PSMC1: variants seen among roughly 807,000 people sequenced by gnomAD.
PSMC1 encodes 26S proteasome regulatory subunit 4.
Under a neutral mutation model 49.8 loss-of-function variants are expected in PSMC1, and 5 were observed. The ratio of observed to expected loss-of-function variants is 0.10; its 90% CI spans 0.05 to 0.21. PSMC1 has a LOEUF of 0.21. Ranked by LOEUF, PSMC1 falls within the 10% of genes least tolerant of loss-of-function variation. The probability of loss-of-function intolerance (pLI) is 1.00; values close to 1 mark genes in which losing one functional copy is unlikely to be tolerated. For synonymous variants in PSMC1, 155 were observed against 192.1 expected (o/e 0.81, Z 1.60); for missense variants, 181 against 535.7 (o/e 0.34, Z 6.54).
At chr14:90,261,149 C>G (rs1270724015) in intron 3 of PSMC1, among the ~76,000 whole-genome samples, 1 of 152,172 alleles carries the variant, frequency 6.6e-6, no homozygotes, top group Non-Finnish European at 1.5e-5. Context: ...ACACTGCCTG[C>G]CTTATGTTTT....
In PSMC1 at chr14:90,275,176, A is replaced by G. The variant is rs1156924290; in HGVS notation, c.*2769A>G. On this transcript the variant is annotated 3_prime_UTR_variant, in exon 11 of 11. Coordinates refer to ENST00000261303, the MANE Select transcript of PSMC1 (RefSeq NM_002802.3). ...CGTCTTGGAAGTCAAAAAGCTTCCA[A>G]TCAGAAGGAGACCAAAGAGATGACA... is the stretch of plus-strand genomic sequence containing the variant. 3 of 152,194 alleles carry G rather than the reference A, an allele frequency of 2.0e-5. No individual in the cohort carries two copies. Among genetic ancestry groups the G allele is most frequent in the Admixed American group, 2.0e-4 (3 of 15,272 alleles). The allele number at this position is 152,194 out of a possible 1,614,324, so 9.4% of individuals were successfully genotyped here. A position where few individuals can be genotyped will look rare whatever the true frequency, so the allele number is the denominator to read the frequency against.
intron 7 of PSMC1, among the ~76,000 whole-genome samples, chr14:90,266,367 A>T (rs1891514500): frequency 1.3e-5 from 2 of 152,218 alleles, no homozygotes; most frequent in South Asian, 4.1e-4. Flanking sequence ...CAGTCATTTG[A>T]GAGAATTGAC....
chr14:90,268,560 C>T lies in PSMC1; in HGVS notation c.881+147C>T, dbSNP rs1891578058. On this transcript the variant is annotated intron_variant, in intron 8 of 10. Transcript: ENST00000261303. ...CCATGCATGCTTTAGGCTCTGCTCT[C>T]CCAGGAGCCAGCTAACAACTGCCCA... 5.5e-6 allele frequency: 4 copies of T among 730,466 alleles called. No homozygotes were observed. The South Asian group carries it at 7.2e-5, about 13-fold the overall frequency. 45.2% of individuals were successfully genotyped at this position (730,466 alleles called of 1,614,324 possible). A position where few individuals can be genotyped will look rare whatever the true frequency, so the allele number is the denominator to read the frequency against.
At chr14:90,268,458 C>T (rs200738856) in intron 8 of PSMC1, 45 bp downstream of exon 8, 189 of 1,570,644 alleles carry the variant, frequency 1.2e-4, no homozygotes, top group Non-Finnish European at 1.5e-4. Flanking sequence ...TAGGGAACAC[C>T]GCATAGCTCT....
At chr14:90,259,597 T>C (rs1020361866) in intron 2 of PSMC1, among the ~76,000 whole-genome samples, 1 of 151,812 alleles carries the variant, frequency 6.6e-6, no homozygotes, top group Non-Finnish European at 1.5e-5. Flanking sequence ...TTGTCACTTA[T>C]GTGTATGGTA....
rs73316773 is a variant in PSMC1, at chr14:90,274,459, A to C, written c.*2052A>C. 20,318 of 152,748 alleles carry C rather than the reference A, an allele frequency of 0.13. 1,565 individuals are homozygous for C. The highest frequency in any genetic ancestry group is 0.21 in the East Asian group (1,097 of 5,178). The allele number at this position is 152,748 out of a possible 1,614,324, so 9.5% of individuals were successfully genotyped here. A position where few individuals can be genotyped will look rare whatever the true frequency, so the allele number is the denominator to read the frequency against. The stretch of plus-strand genomic sequence containing the variant: ...TTAGACACAGAAAGAAGAAAACAAG[A>C]ACGACCTCTGTCCACTGGGAGCACC... On this transcript the variant is annotated 3_prime_UTR_variant, in exon 11 of 11. Transcript: ENST00000261303.
rs201022926 is a variant in PSMC1, at chr14:90,264,019, A to G, written c.466-22A>G. ...CCAGCAAACCTCACGTTCCTGTGTTAAACCTTGATGTTTCCTGTTAGGTGC... is the reference window on the plus strand; with the variant it reads ...CCAGCAAACCTCACGTTCCTGTGTTGAACCTTGATGTTTCCTGTTAGGTGC... On this transcript the variant is annotated intron_variant, in intron 5 of 10. Transcript: ENST00000261303. 10 of 1,601,334 alleles carry G rather than the reference A, an allele frequency of 6.2e-6. No homozygotes were observed. The East Asian group carries it at 1.6e-4, about 25-fold the overall frequency.
At position 90,274,830 on chromosome 14, in the gene PSMC1, ACACAC is replaced by A. The variant is rs1891764824; in HGVS notation, c.*2424_*2428del. On this transcript the variant is annotated 3_prime_UTR_variant, in exon 11 of 11. Transcript: ENST00000261303. ...CACACACACACACACACACACACAC[ACACAC>A]ACACCCCAATACATATGAATTGATC... 1 of 90,802 alleles carries A rather than the reference ACACAC, an allele frequency of 1.1e-5. No individual in the cohort carries two copies. Among genetic ancestry groups the A allele is most frequent in the Non-Finnish European group, 2.3e-5 (1 of 43,412 alleles). 5.6% of individuals were successfully genotyped at this position (90,802 alleles called of 1,614,324 possible).
intron 7 of PSMC1, among the ~76,000 whole-genome samples, chr14:90,266,149 G>A (rs911108152): frequency 6.6e-6 from 1 of 151,946 alleles, no homozygotes; most frequent in Non-Finnish European, 1.5e-5. Context: ...CAGCTACCTG[G>A]GAGGCTGAGG....
intron 1 of PSMC1, 34 bp downstream of exon 1, chr14:90,256,634 C>T: frequency 6.3e-7 from 1 of 1,581,574 alleles, no homozygotes; most frequent in East Asian, 2.3e-5. Context: ...CGCTGGTCGT[C>T]GCGGTGCGAT....
At chr14:90,269,799 C>A in intron 9 of PSMC1, 1 of 427,016 alleles carries the variant, frequency 2.3e-6, no homozygotes, top group Non-Finnish European at 4.1e-6. Context: ...CCTTTTTAGC[C>A]TCAAGAACTT....
intron 3 of PSMC1, among the ~76,000 whole-genome samples, chr14:90,261,345 ACTT>A (rs1891394329): frequency 6.6e-6 from 1 of 152,172 alleles, no homozygotes; most frequent in African/African-American, 2.4e-5. Context: ...TACTTAAACT[ACTT>A]TAAAAAATAT....
rs1891697361 is a variant in PSMC1 at position 90,272,547 on chromosome 14, T to C, written c.*140T>C. 5 of 598,264 alleles carry C rather than the reference T, an allele frequency of 8.4e-6. No homozygotes were observed. The highest frequency in any genetic ancestry group is 5.9e-5 in the East Asian group (2 of 33,892). 37.1% of individuals were successfully genotyped at this position (598,264 alleles called of 1,614,324 possible). ...ACATCCTGTGTCTTTTGGAGTACGA[T>C]GTGTAAGTGCCCATTGGGTGGCCTG... On this transcript the variant is annotated 3_prime_UTR_variant, in exon 11 of 11. Coordinates refer to ENST00000261303, the MANE Select transcript of PSMC1 (RefSeq NM_002802.3). This position sits in a 1 kb window ranked among gnomAD's most constrained non-coding sequence, Gnocchi z 4.5.
Position 90,272,358 on chromosome 14 carries a change from A to G in PSMC1, c.1274A>G (p.Asn425Ser), listed in dbSNP as rs774562807. The G allele has an allele frequency of 2.3e-5, 37 of 1,599,296 alleles. No homozygotes were observed. The highest frequency in any genetic ancestry group is 1.5e-4 in the South Asian group (13 of 88,828). Residue 425 changes from asparagine (N) to serine (S), a missense_variant, in exon 11 of 11, where the codon AAT becomes AGT. Transcript: ENST00000261303. The surrounding 1 kb of genome is among the most constrained non-coding windows in gnomAD (Gnocchi z 4.5). ...GAAGACTTCAAAAAATCTAAAGAAA[A>G]TGTTCTTTATAAGAAACAGGAAGGC... ...TNEDFKKSKE[N>S]VLYKKQEGTP...
chr14:90,267,486 A>G (rs1455869054), intron 7 of PSMC1: 2 of 152,230 alleles, frequency 1.3e-5, no homozygotes, highest in South Asian at 2.1e-4. Flanking sequence ...TGAAACAGAA[A>G]TATCAGCAAG....
rs762179960 is a variant in PSMC1, at chr14:90,265,150, T to C, written c.675T>C (p.Tyr225=). The change falls in exon 7 of 11, where the codon TAT becomes TAC. Residue 225 remains tyrosine (Y), a synonymous_variant. Coordinates refer to ENST00000261303, the MANE Select transcript of PSMC1 (RefSeq NM_002802.3). ...AGCCTCCTAAGGGGGTCATTCTCTA[T>C]GGTCCACCTGGCACAGGTATGCTCT... ...GIKPPKGVIL[Y]GPPGTGKTLL... 6 of 1,611,560 alleles carry C rather than the reference T, an allele frequency of 3.7e-6. No individual in the cohort carries two copies. The Admixed American group carries it at 8.3e-5, about 22-fold the overall frequency.
Position 90,263,304 on chromosome 14 carries a change from T to C in PSMC1, c.155-14T>C. 1.3e-6 allele frequency: 2 copies of C among 1,582,428 alleles called. No individual in the cohort carries two copies. The highest frequency in any genetic ancestry group is 1.4e-5 in the African/African-American group (1 of 73,196). ...AGGGTCCACATATAATGAAACTTTA[T>C]ATTTAAATTTCAGTGACACCTCACA... On this transcript the variant is annotated splice_polypyrimidine_tract_variant and intron_variant, in intron 3 of 10. Transcript: ENST00000261303.
Position 90,273,970 on chromosome 14 carries a change from A to AAAG in PSMC1, c.*1564_*1566dup, listed in dbSNP as rs1222678673. 7.1e-6 allele frequency: 1 copy of AAAG among 140,048 alleles called. No individual in the cohort carries two copies. Among genetic ancestry groups the AAAG allele is most frequent in the African/African-American group, 2.5e-5 (1 of 39,798 alleles). The allele number at this position is 140,048 out of a possible 1,614,324, so 8.7% of individuals were successfully genotyped here. ...TGATCCAGGATAATTTCCCTGTTTT[A>AAAG]AAGTTTACAATCTTCTTAATTTTTA... On this transcript the variant is annotated 3_prime_UTR_variant, in exon 11 of 11. Transcript: ENST00000261303.
chr14:90,257,672 G>A (rs552965176), intron 1 of PSMC1, among the ~76,000 whole-genome samples: 1 of 152,024 alleles, frequency 6.6e-6, no homozygotes, highest in South Asian at 2.1e-4. Context: ...GCAGTGGCGC[G>A]ATCTCCGCCT....
Sources: allele counts gnomAD v4.1 joint callset (sites outside exome capture counted in the v4.1 genomes callset), GRCh38; gene constraint gnomAD v4.1.1; non-coding constraint Gnocchi (gnomAD v3.1); transcripts MANE v1.5; gene names NCBI Gene and HGNC (gene_info 2026-07-23, HGNC 2026-07-21).